The following ADAM32 variants were observed in gnomAD, a reference collection of about 807,000 sequenced individuals.
ADAM32 encodes the protein ADAM metallopeptidase domain 32, also known as disintegrin and metalloproteinase domain-containing protein 32.
A neutral mutation model predicts 114.9 loss-of-function variants in ADAM32; 89 were observed. The ratio of observed to expected loss-of-function variants is 0.77; its 90% CI spans 0.65 to 0.92. The LOEUF (loss-of-function observed/expected upper bound fraction) is 0.92. ADAM32 is among the 40% of genes least tolerant of loss of function. The pLI, the probability that ADAM32 is intolerant of heterozygous loss-of-function variation, is 0.00. For missense variants in ADAM32, 870 were observed against 932.8 expected (o/e 0.93, Z 0.88); for synonymous variants, 285 against 307.5 (o/e 0.93, Z 0.77).
At chr8:39,184,080 G>A (rs932191536) in intron 10 of ADAM32, among the ~76,000 whole-genome samples, 3 of 152,230 alleles carry the variant, frequency 2.0e-5, no homozygotes, top group African/African-American at 4.8e-5. Context: ...CAGGTAGAGT[G>A]CTCGAGCTGT....
intron 2 of ADAM32, among the ~76,000 whole-genome samples, chr8:39,121,724 T>A (rs943603739): frequency 2.0e-5 from 3 of 152,120 alleles, no homozygotes; most frequent in African/African-American, 7.2e-5. Flanking sequence ...GGCCACCTCC[T>A]TGGTTTCAGT....
chr8:39,164,139 A>T (rs2129446162), intron 7 of ADAM32, among the ~76,000 whole-genome samples: 1 of 152,252 alleles, frequency 6.6e-6, no homozygotes, highest in African/African-American at 2.4e-5. Flanking sequence ...TTAGAGCCAC[A>T]CTGATCCCCT....
chr8:39,149,944 G>A (rs1803605388), intron 5 of ADAM32, 77 bp downstream of exon 5: 1 of 1,232,758 alleles, frequency 8.1e-7, no homozygotes, highest in Non-Finnish European at 1.2e-6. Flanking sequence ...TTTGTATTAA[G>A]TGTGGGGTTG....
At chr8:39,233,361 C>T (rs764894967) in intron 15 of ADAM32, among the ~76,000 whole-genome samples, 14 of 152,124 alleles carry the variant, frequency 9.2e-5, no homozygotes, top group African/African-American at 1.2e-4. Flanking sequence ...TAGACCATAT[C>T]GGGTAACTTC....
At chr8:39,169,814 C>A in intron 9 of ADAM32, 102 bp from the exon 10 acceptor site, 3 of 801,758 alleles carry the variant, frequency 3.7e-6, no homozygotes, top group South Asian at 2.2e-5. Flanking sequence ...CAATTTGCTT[C>A]AGATTTGGAT....
chr8:39,152,539 T>C (rs528442598), intron 6 of ADAM32, among the ~76,000 whole-genome samples: 1 of 152,070 alleles, frequency 6.6e-6, no homozygotes, highest in Admixed American at 6.5e-5. Context: ...CTTGCCAACA[T>C]GGTGAAACCC....
At chr8:39,281,301 C>A in intron 23 of ADAM32, 127 bp downstream of exon 23, 1 of 334,664 alleles carries the variant, frequency 3.0e-6, no homozygotes, top group Non-Finnish European at 5.3e-6. Context: ...CTACACCAAA[C>A]CCAACTTATT....
chr8:39,175,294 C>T (rs2129446650), intron 10 of ADAM32, among the ~76,000 whole-genome samples: 1 of 152,260 alleles, frequency 6.6e-6, no homozygotes, highest in South Asian at 2.1e-4. Flanking sequence ...AGCTTTTGCC[C>T]ATTCAGTATG....
chr8:39,187,448 T>G (rs1436104524), intron 11 of ADAM32, among the ~76,000 whole-genome samples: 3 of 152,026 alleles, frequency 2.0e-5, no homozygotes, highest in Non-Finnish European at 2.9e-5. Context: ...ATTTTTTGTA[T>G]TTTTAGTAGA....
intron 19 of ADAM32, among the ~76,000 whole-genome samples, chr8:39,259,173 T>G (rs1188135038): frequency 4.0e-5 from 6 of 151,870 alleles, no homozygotes; most frequent in Admixed American, 3.9e-4. Context: ...TTTTTTTCCT[T>G]TTTCTATCAT....
At position 39,254,896 on chromosome 8, in the gene ADAM32, T is replaced by C. The variant is rs927883666; in HGVS notation, c.2005+380T>C. Among the ~76,000 whole-genome samples the C allele has an allele frequency of 3.9e-5, 6 of 151,924 alleles. No homozygotes were observed. The East Asian group carries it at 9.7e-4, about 24-fold the overall frequency. On this transcript the variant is annotated intron_variant, in intron 18 of 24. Transcript: ENST00000379907. ...CTTCCCCTCAATACCCCAAAGTCCA[T>C]TGTATCATTCTTATGCCTTTGTGTC...
chr8:39,153,584 A>G (rs1051966260), intron 6 of ADAM32, among the ~76,000 whole-genome samples: 6 of 152,160 alleles, frequency 3.9e-5, no homozygotes, highest in Non-Finnish European at 7.4e-5. Context: ...CAGTGTGGGA[A>G]AGGGTGAGTT....
chr8:39,117,988 C>T (rs566768196), intron 1 of ADAM32, 98 bp from the exon 2 acceptor site: 4 of 738,386 alleles, frequency 5.4e-6, no homozygotes, highest in African/African-American at 3.8e-5. Context: ...TGATGAGCCA[C>T]CCATACCTGC....
At chr8:39,231,694 T>G (rs1809745397) in intron 14 of ADAM32, among the ~76,000 whole-genome samples, 1 of 152,186 alleles carries the variant, frequency 6.6e-6, no homozygotes, top group Non-Finnish European at 1.5e-5. Flanking sequence ...TTTTATGAGT[T>G]CACACTCAGA....
rs931895916 is a variant in ADAM32 at position 39,246,094 on chromosome 8, T to C, written c.1830T>C (p.Asn610=). ...SQCDIGRVCV[N]RECVESRIIK... ...GTGTTTTTCTTTAGGTTTGTGTAAA[T>C]CGTGAATGTGTAGAATCAAGGATAA... is the stretch of plus-strand genomic sequence containing the variant. The change falls in exon 17 of 25, where the codon AAT becomes AAC. Residue 610 remains asparagine, a synonymous_variant. Transcript: ENST00000379907. 10 of 1,613,370 alleles carry C rather than the reference T, an allele frequency of 6.2e-6. No individual in the cohort carries two copies. Among genetic ancestry groups the C allele is most frequent in the Non-Finnish European group, 8.5e-6 (10 of 1,179,588 alleles).
intron 3 of ADAM32, among the ~76,000 whole-genome samples, chr8:39,141,374 A>C (rs1803143515): frequency 1.3e-5 from 2 of 152,122 alleles, no homozygotes; most frequent in South Asian, 4.2e-4. Context: ...TGTTCCAGAG[A>C]TTCTGGTACA....
rs1168516997 is a variant in ADAM32 at position 39,221,609 on chromosome 8, G to A, written c.1234-1G>A. On this transcript the variant is annotated splice_acceptor_variant, in intron 12 of 24. Coordinates refer to ENST00000379907, the MANE Select transcript of ADAM32 (RefSeq NM_145004.7). LOFTEE classifies it high-confidence loss of function. ...TACTTGTACATTTCACTAATTCATA[G>A]CAATGTGGACCTGCAAGCTGTTGTG... 1 of 1,608,016 alleles carries A rather than the reference G, an allele frequency of 6.2e-7. No individual in the cohort carries two copies. The highest frequency in any genetic ancestry group is 8.5e-7 in the Non-Finnish European group (1 of 1,175,758).
intron 19 of ADAM32, among the ~76,000 whole-genome samples, chr8:39,258,722 T>C (rs1327195884): frequency 6.6e-6 from 1 of 152,196 alleles, no homozygotes; most frequent in Non-Finnish European, 1.5e-5. Context: ...TTTTTATACA[T>C]ACTGGGTTTT....
At chr8:39,120,076 G>A (rs2129444392) in intron 2 of ADAM32, among the ~76,000 whole-genome samples, 1 of 152,338 alleles carries the variant, frequency 6.6e-6, no homozygotes, top group Admixed American at 6.5e-5. Flanking sequence ...AATCAGCCCT[G>A]TTGGCACCTT....
Sources: gnomAD v4.1 joint callset for allele counts (sites outside exome capture counted in the v4.1 genomes callset) on GRCh38, gnomAD v4.1.1 for gene constraint, MANE v1.5 for transcripts, NCBI Gene and HGNC (gene_info 2026-07-23, HGNC 2026-07-21) for gene names.